The following ARL6IP6 variants were observed in gnomAD, a reference collection of about 807,000 sequenced individuals.
ARL6IP6 encodes the protein ADP-ribosylation factor-like protein 6-interacting protein 6.
Under a neutral mutation model 21.5 loss-of-function variants are expected in ARL6IP6, and 22 were observed. That is an observed-to-expected ratio of 1.02 (90% confidence interval 0.73 to 1.46). The LOEUF is 1.46. Ranked by LOEUF, ARL6IP6 falls within the 40% of genes most tolerant of loss-of-function variation. ARL6IP6 has a pLI of 0.00. For missense variants in ARL6IP6, 388 were observed against 299.8 expected (o/e 1.29, Z -2.17); for synonymous variants, 164 against 125.3 (o/e 1.31, Z -2.06).
chr2:152,734,451 T>C (rs1250233205), intron 2 of ARL6IP6, among the ~76,000 whole-genome samples: 1 of 152,174 alleles, frequency 6.6e-6, no homozygotes, highest in Admixed American at 6.6e-5. Context: ...ATAATAAAGA[T>C]AGCAAGGTAT....
chr2:152,718,538 G>A, upstream of ARL6IP6: 3 of 1,480,208 alleles, frequency 2.0e-6, no homozygotes, highest in Non-Finnish European at 2.7e-6. Context: ...GGTGGTAGCG[G>A]CCACTGCCGC....
chr2:152,730,937 T>A (rs893975277), intron 2 of ARL6IP6, among the ~76,000 whole-genome samples: 1 of 152,202 alleles, frequency 6.6e-6, no homozygotes, highest in Admixed American at 6.5e-5. Flanking sequence ...TTTACACACA[T>A]AAGTGCAAAC....
At chr2:152,736,359 A>G (rs1484596925) in intron 3 of ARL6IP6, among the ~76,000 whole-genome samples, 1 of 152,108 alleles carries the variant, frequency 6.6e-6, no homozygotes, top group Non-Finnish European at 1.5e-5. Context: ...CTAGCCACAC[A>G]TTTCTTGCTG....
upstream of ARL6IP6, chr2:152,718,458 C>A: frequency 1.1e-6 from 1 of 951,538 alleles, no homozygotes; most frequent in Non-Finnish European, 1.5e-6. Context: ...TCTCCTTTGG[C>A]CCTGCGGCTT....
At chr2:152,747,567 C>CT (rs113781031) in intron 3 of ARL6IP6, among the ~76,000 whole-genome samples, 108 of 147,224 alleles carry the variant, frequency 7.3e-4, no homozygotes, top group African/African-American at 2.2e-3. Context: ...ATTTCTCTCT[C>CT]TTTTTTTTTT....
chr2:152,742,915 CAT>C (rs1400418140), intron 3 of ARL6IP6, among the ~76,000 whole-genome samples: 13 of 152,166 alleles, frequency 8.5e-5, no homozygotes, highest in Admixed American at 8.5e-4. Context: ...TTGCAAGTAA[CAT>C]AGTTTGCAAC....
chr2:152,746,001 CTTTTTTTTTTTT>C (rs67760283), intron 3 of ARL6IP6, among the ~76,000 whole-genome samples: 10,154 of 66,740 alleles, frequency 0.15, 764 homozygotes, highest in Admixed American at 0.26. Context: ...TGCTTTGTAC[CTTTTTTTTTTTT>C]TTTTTTTTTT....
At chr2:152,744,087 ACT>A (rs1485351701) in intron 3 of ARL6IP6, among the ~76,000 whole-genome samples, 1 of 152,046 alleles carries the variant, frequency 6.6e-6, no homozygotes, top group African/African-American at 2.4e-5. Context: ...CTTGAGTATA[ACT>A]CTGTTCAGTT....
intron 3 of ARL6IP6, among the ~76,000 whole-genome samples, chr2:152,752,276 TAAG>T (rs1701371464): frequency 6.6e-6 from 1 of 152,152 alleles, no homozygotes; most frequent in African/African-American, 2.4e-5. Flanking sequence ...CCTGCAATAA[TAAG>T]AACCATTTTG....
At chr2:152,722,186 C>G (rs564425145) in intron 2 of ARL6IP6, among the ~76,000 whole-genome samples, 1 of 152,208 alleles carries the variant, frequency 6.6e-6, no homozygotes, top group African/African-American at 2.4e-5. Flanking sequence ...GCTTCCTTTT[C>G]CACTTAGGGT....
chr2:152,726,356 A>G (rs1406369822), intron 2 of ARL6IP6, among the ~76,000 whole-genome samples: 1 of 48,048 alleles, frequency 2.1e-5, no homozygotes, highest in Non-Finnish European at 4.6e-5. Context: ...TGCTATAGCT[A>G]CCATGCACTC....
intron 2 of ARL6IP6, among the ~76,000 whole-genome samples, chr2:152,732,172 A>G (rs1700347714): frequency 6.6e-6 from 1 of 151,964 alleles, no homozygotes; most frequent in African/African-American, 2.4e-5. Context: ...TGTATATTAT[A>G]ATATACAGAG....
At chr2:152,737,309 A>G (rs980074149) in intron 3 of ARL6IP6, among the ~76,000 whole-genome samples, 3 of 152,142 alleles carry the variant, frequency 2.0e-5, no homozygotes, top group African/African-American at 4.8e-5. Flanking sequence ...CATTAACCTT[A>G]TAAGTGTAAG....
intron 2 of ARL6IP6, among the ~76,000 whole-genome samples, chr2:152,722,238 T>G (rs1255996200): frequency 1.3e-5 from 2 of 152,230 alleles, no homozygotes; most frequent in Non-Finnish European, 2.9e-5. Flanking sequence ...TGATAGATAC[T>G]TAATATTTTT....
chr2:152,729,959 A>G lies in ARL6IP6; in HGVS notation c.455-5035A>G, dbSNP rs992120311. ...GATTCTGCAGGTACTGACTTGTAAA[A>G]AATTTAGTTGTTGGGGAGTTACCAT... is the stretch of plus-strand genomic sequence containing the variant. On this transcript the variant is annotated intron_variant, in intron 2 of 3. Coordinates refer to ENST00000326446, the MANE Select transcript of ARL6IP6 (RefSeq NM_152522.7). 2.0e-5 allele frequency among the ~76,000 whole-genome samples: 3 copies of G among 152,288 alleles called. No homozygotes were observed. The South Asian group carries it at 6.2e-4, about 32-fold the overall frequency.
chr2:152,732,635 G>T (rs1023521667), intron 2 of ARL6IP6: 1 of 423,834 alleles, frequency 2.4e-6, no homozygotes, highest in African/African-American at 2.1e-5. Context: ...ATTTTGCTAT[G>T]CATATATAGT....
intron 3 of ARL6IP6, among the ~76,000 whole-genome samples, chr2:152,742,222 A>G (rs1291562505): frequency 2.0e-5 from 3 of 152,166 alleles, no homozygotes; most frequent in Admixed American, 1.3e-4. Flanking sequence ...GCATCTAACT[A>G]TGTTACCTAC....
At chr2:152,751,780 T>C (rs1302269127) in intron 3 of ARL6IP6, among the ~76,000 whole-genome samples, 1 of 152,226 alleles carries the variant, frequency 6.6e-6, no homozygotes, top group Non-Finnish European at 1.5e-5. Flanking sequence ...CATCTGTTGA[T>C]GGACACTTAG....
At chr2:152,720,825 T>A (rs1699754389) in intron 2 of ARL6IP6, among the ~76,000 whole-genome samples, 1 of 152,182 alleles carries the variant, frequency 6.6e-6, no homozygotes. Flanking sequence ...GTGCAGTGGC[T>A]CACATCTGTA....
Sources: gnomAD v4.1 joint callset for allele counts (sites outside exome capture counted in the v4.1 genomes callset) on GRCh38, gnomAD v4.1.1 for gene constraint, MANE v1.5 for transcripts, NCBI Gene and HGNC (gene_info 2026-07-23, HGNC 2026-07-21) for gene names.